ARPP21: variants seen among roughly 807,000 people sequenced by gnomAD.
ARPP21 encodes the protein cAMP-regulated phosphoprotein 21.
A neutral mutation model predicts 113.2 loss-of-function variants in ARPP21; 69 were observed. That is an observed-to-expected ratio of 0.61 (90% CI 0.50 to 0.74). The LOEUF (loss-of-function observed/expected upper bound fraction) is 0.74, where lower values mean the gene tolerates loss of function less well. Ranked by LOEUF, ARPP21 falls within the 30% of genes least tolerant of loss-of-function variation. The probability of loss-of-function intolerance (pLI) is 0.00; values close to 1 mark genes in which losing one functional copy is unlikely to be tolerated. For synonymous variants in ARPP21, 368 were observed against 375.5 expected (o/e 0.98, Z 0.23); for missense variants, 1,070 against 1,037.4 (o/e 1.03, Z -0.43).
intron 19 of ARPP21, among the ~76,000 whole-genome samples, chr3:35,760,851 T>A (rs2095747516): frequency 6.6e-6 from 1 of 151,978 alleles, no homozygotes; most frequent in Non-Finnish European, 1.5e-5. Context: ...GTGAATGGGC[T>A]TATAAAAAAA....
chr3:35,758,183 A>AAT lies in ARPP21; in HGVS notation c.2137+14219_2137+14220insTA, dbSNP rs1476532202. Among the ~76,000 whole-genome samples, 177 of 152,192 alleles carry AAT rather than the reference A, an allele frequency of 1.2e-3. 1 individual carries two copies. The highest frequency in any genetic ancestry group is 4.1e-3 in the African/African-American group (172 of 41,538). ...GAACCACTCCTTGAGCCCTAGACAC[A>AAT]AAGCAGTGTCTTGTAGAGAAACAGC... On this transcript the variant is annotated intron_variant, in intron 19 of 20. Transcript: ENST00000684406.
intron 1 of ARPP21, among the ~76,000 whole-genome samples, chr3:35,658,363 A>G (rs777993969): frequency 5.9e-5 from 9 of 152,130 alleles, no homozygotes; most frequent in Non-Finnish European, 1.0e-4. Flanking sequence ...TAAAAACACT[A>G]TGTGTAAAGT....
At chr3:35,646,163 C>T (rs1347128239) in intron 1 of ARPP21, among the ~76,000 whole-genome samples, 1 of 151,898 alleles carries the variant, frequency 6.6e-6, no homozygotes, top group Non-Finnish European at 1.5e-5. Flanking sequence ...GTCAACTCAC[C>T]GAAATTCAAT....
At chr3:35,712,509 G>GGTGTGTGT (rs1368619808) in intron 11 of ARPP21, among the ~76,000 whole-genome samples, 14 of 108,448 alleles carry the variant, frequency 1.3e-4, no homozygotes, top group African/African-American at 5.1e-4. Context: ...TGGTGTCTAA[G>GGTGTGTGT]GTGTCTGTGT....
At chr3:35,702,802 A>G (rs572563793) in intron 9 of ARPP21, among the ~76,000 whole-genome samples, 2 of 151,860 alleles carry the variant, frequency 1.3e-5, no homozygotes, top group African/African-American at 4.8e-5. Flanking sequence ...AAATTGTGAG[A>G]TACACTTATT....
chr3:35,719,205 C>A (rs567441069), intron 13 of ARPP21, among the ~76,000 whole-genome samples: 49 of 151,884 alleles, frequency 3.2e-4, no homozygotes, highest in Non-Finnish European at 6.0e-4. Context: ...AATACTGGAC[C>A]GCACTTCAAC....
rs1420319602 is a variant in ARPP21, at chr3:35,738,203, C to G, written c.1645-11C>G. Reference sequence around the variant, plus strand: ...TTTTCTGTCAGCTGATCAATTTTTTCTTTCCTCCAGTCTGTCCAGGGGCTG... The same window carrying G: ...TTTTCTGTCAGCTGATCAATTTTTTGTTTCCTCCAGTCTGTCCAGGGGCTG... On this transcript the variant is annotated splice_polypyrimidine_tract_variant and intron_variant, in intron 16 of 20. Coordinates refer to ENST00000684406, the MANE Select transcript of ARPP21 (RefSeq NM_001385562.1). 2.0e-6 allele frequency: 3 copies of G among 1,513,398 alleles called. No individual in the cohort carries two copies. The highest frequency in any genetic ancestry group is 3.9e-5 in the Admixed American group (2 of 50,754). The allele number at this position is 1,513,398 out of a possible 1,614,324, so 93.7% of individuals were successfully genotyped here.
chr3:35,762,848 C>T, intron 19 of ARPP21, among the ~76,000 whole-genome samples: 1 of 152,116 alleles, frequency 6.6e-6, no homozygotes, highest in Non-Finnish European at 1.5e-5. Context: ...GACACTAGAG[C>T]CAAGTAAACT....
At chr3:35,720,100 G>A (rs2092906297) in intron 13 of ARPP21, among the ~76,000 whole-genome samples, 1 of 152,198 alleles carries the variant, frequency 6.6e-6, no homozygotes, top group Non-Finnish European at 1.5e-5. Context: ...TCATCAAGTG[G>A]TTCTTATTTC....
chr3:35,698,611 G>A (rs548068134), intron 9 of ARPP21, among the ~76,000 whole-genome samples: 144 of 151,668 alleles, frequency 9.5e-4, no homozygotes, highest in African/African-American at 3.4e-3. Flanking sequence ...AGAAGACCAA[G>A]ATCAAAATTC....
intron 11 of ARPP21, among the ~76,000 whole-genome samples, chr3:35,711,962 T>C (rs1333225156): frequency 1.3e-5 from 2 of 152,186 alleles, no homozygotes; most frequent in African/African-American, 4.8e-5. Flanking sequence ...TGGAACAATG[T>C]GGAAAGTACC....
rs529848627 is a variant in ARPP21 at position 35,789,578 on chromosome 3, T to A, written c.2138-2804T>A. Among the ~76,000 whole-genome samples, 165 of 152,032 alleles carry A rather than the reference T, an allele frequency of 1.1e-3. 1 individual carries two copies. The highest frequency in any genetic ancestry group is 3.7e-3 in the African/African-American group (152 of 41,274). Reference sequence around the variant, plus strand: ...GTATTTGCCTTAAGTGTGTTTACCATGGGAACCCCAGTGTAAAGCTCGTAG... The same window carrying A: ...GTATTTGCCTTAAGTGTGTTTACCAAGGGAACCCCAGTGTAAAGCTCGTAG... On this transcript the variant is annotated intron_variant, in intron 19 of 20. Coordinates refer to ENST00000684406, the MANE Select transcript of ARPP21 (RefSeq NM_001385562.1).
intron 19 of ARPP21, among the ~76,000 whole-genome samples, chr3:35,759,826 C>T (rs953864603): frequency 6.6e-6 from 1 of 151,826 alleles, no homozygotes; most frequent in Non-Finnish European, 1.5e-5. Flanking sequence ...CAATGTCTGC[C>T]CATTCTTTTT....
intron 1 of ARPP21, among the ~76,000 whole-genome samples, chr3:35,640,603 C>A (rs976075542): frequency 3.3e-5 from 5 of 152,056 alleles, no homozygotes; most frequent in Admixed American, 1.3e-4. Flanking sequence ...GCTCCTTCCC[C>A]CAGAAAAGAC....
chr3:35,731,702 CTT>C (rs1231381146), intron 15 of ARPP21, among the ~76,000 whole-genome samples: 2 of 151,296 alleles, frequency 1.3e-5, no homozygotes, highest in South Asian at 2.1e-4. Flanking sequence ...TCTTATATGA[CTT>C]TTACTGTTGA....
chr3:35,792,593 TG>T, intron 20 of ARPP21, 63 bp downstream of exon 20: 1 of 1,535,060 alleles, frequency 6.5e-7, no homozygotes, highest in Non-Finnish European at 9.0e-7. Context: ...GTGGAAGCTG[TG>T]GGTCTGTCCC....
In ARPP21 at chr3:35,794,123, G is replaced by GTTAA; in HGVS notation, c.*167_*170dup. 1 of 652,330 alleles carries GTTAA rather than the reference G, an allele frequency of 1.5e-6. No individual in the cohort carries two copies. Among genetic ancestry groups the GTTAA allele is most frequent in the South Asian group, 1.9e-5 (1 of 52,106 alleles). The allele number at this position is 652,330 out of a possible 1,614,324, so 40.4% of individuals were successfully genotyped here. A position where few individuals can be genotyped will look rare whatever the true frequency, so the allele number is the denominator to read the frequency against. ...CAAAGACTAATATACACGTTAGCTG[G>GTTAA]TTAATGGTGCATATTTCTGTCATGT... On this transcript the variant is annotated 3_prime_UTR_variant, in exon 21 of 21. Coordinates refer to ENST00000684406, the MANE Select transcript of ARPP21 (RefSeq NM_001385562.1).
chr3:35,782,930 C>T (rs149759834), intron 19 of ARPP21, among the ~76,000 whole-genome samples: 1 of 152,020 alleles, frequency 6.6e-6, no homozygotes, highest in Non-Finnish European at 1.5e-5. Flanking sequence ...GCTGATGTAC[C>T]CATCACTAGC....
At chr3:35,729,849 G>T (rs1205272681) in intron 15 of ARPP21, among the ~76,000 whole-genome samples, 1 of 152,168 alleles carries the variant, frequency 6.6e-6, no homozygotes, top group Admixed American at 6.5e-5. Flanking sequence ...GAGAGAAAAT[G>T]GTGTGATGAG....
Sources: allele counts gnomAD v4.1 joint callset (sites outside exome capture counted in the v4.1 genomes callset), GRCh38; gene constraint gnomAD v4.1.1; transcripts MANE v1.5; gene names NCBI Gene and HGNC (gene_info 2026-07-23, HGNC 2026-07-21).